HRH1: variants seen among roughly 807,000 people sequenced by gnomAD.
HRH1 encodes the protein histamine receptor H1.
In HRH1, 6 loss-of-function variants were observed where a neutral mutation model predicts 10.3. The ratio of observed to expected loss-of-function variants is 0.58; its 90% confidence interval spans 0.32 to 1.15. HRH1 has a LOEUF of 1.15. Among genes scored for constraint, HRH1 ranks in the 50% most tolerant of loss-of-function variants. The pLI is 0.05. For missense variants in HRH1, 514 were observed against 615.3 expected (o/e 0.84, Z 1.74); for synonymous variants, 242 against 236.7 (o/e 1.02, Z -0.21).
At chr3:11,195,826 C>A (rs552269295) in intron 1 of HRH1, among the ~76,000 whole-genome samples, 1 of 152,334 alleles carries the variant, frequency 6.6e-6, no homozygotes, top group African/African-American at 2.4e-5. Context: ...CCATGCTTGT[C>A]CCCACCCCAA....
At chr3:11,257,021 G>A (rs1014164012) in intron 1 of HRH1, among the ~76,000 whole-genome samples, 20 of 151,694 alleles carry the variant, frequency 1.3e-4, no homozygotes, top group African/African-American at 4.6e-4. Flanking sequence ...GGGAGGCCAA[G>A]GTGGGCGGAT....
At chr3:11,240,754 G>A (rs115602189) in intron 1 of HRH1, among the ~76,000 whole-genome samples, 1 of 152,358 alleles carries the variant, frequency 6.6e-6, no homozygotes, top group African/African-American at 2.4e-5. Context: ...GCACTGATAA[G>A]CCTGGGTGTT....
intron 1 of HRH1, among the ~76,000 whole-genome samples, chr3:11,162,224 G>GAT (rs1481549734): frequency 6.6e-6 from 1 of 152,178 alleles, no homozygotes; most frequent in Non-Finnish European, 1.5e-5. Flanking sequence ...CATAGATACA[G>GAT]TCACCATGCA....
intron 1 of HRH1, among the ~76,000 whole-genome samples, chr3:11,156,641 G>C (rs926325215): frequency 6.6e-6 from 1 of 152,160 alleles, no homozygotes; most frequent in Non-Finnish European, 1.5e-5. Context: ...CCGTTCCTTG[G>C]TTTCCCCATT....
At chr3:11,139,124 A>C (rs1032392106) in intron 1 of HRH1, among the ~76,000 whole-genome samples, 3 of 150,600 alleles carry the variant, frequency 2.0e-5, no homozygotes, top group African/African-American at 7.4e-5. Context: ...AGTAGCTGGG[A>C]TTACAGGCAT....
chr3:11,161,849 C>T (rs1393985623), intron 1 of HRH1, among the ~76,000 whole-genome samples: 1 of 152,202 alleles, frequency 6.6e-6, no homozygotes, highest in East Asian at 1.9e-4. Context: ...ATGGAGTTTT[C>T]TCCCACTGGT....
At chr3:11,254,258 C>A (rs74391904) in intron 1 of HRH1, among the ~76,000 whole-genome samples, 3,100 of 152,304 alleles carry the variant, frequency 0.02, 163 homozygotes, top group Admixed American at 0.1. Context: ...ATTTTTCACA[C>A]TCTTCAGCTT....
At chr3:11,237,620 C>A (rs1184611047) in intron 1 of HRH1, among the ~76,000 whole-genome samples, 1 of 151,382 alleles carries the variant, frequency 6.6e-6, no homozygotes, top group African/African-American at 2.4e-5. Context: ...GAAACTCTCC[C>A]AGCCTGATGC....
chr3:11,257,059 C>T (rs1185973038), intron 1 of HRH1, among the ~76,000 whole-genome samples: 1 of 151,450 alleles, frequency 6.6e-6, no homozygotes, highest in African/African-American at 2.4e-5. Context: ...TCAAGATCAG[C>T]CTGACCAACA....
chr3:11,245,775 C>T (rs1939464120), intron 1 of HRH1, among the ~76,000 whole-genome samples: 1 of 152,152 alleles, frequency 6.6e-6, no homozygotes, highest in African/African-American at 2.4e-5. Flanking sequence ...CAAGTAATCG[C>T]AGAGCTTTCC....
upstream of HRH1, among the ~76,000 whole-genome samples, chr3:11,153,835 G>A (rs1010866844): frequency 4.6e-5 from 7 of 152,086 alleles, no homozygotes; most frequent in Admixed American, 1.3e-4. Context: ...TGAAATGTGG[G>A]CTCATTCATC....
Position 11,242,053 on chromosome 3 carries a change from C to A in HRH1, c.-35-16950C>A, listed in dbSNP as rs534385644. 6.0e-4 allele frequency among the ~76,000 whole-genome samples: 91 copies of A among 152,206 alleles called. 1 individual carries two copies. The highest frequency in any genetic ancestry group is 1.6e-3 in the Admixed American group (24 of 15,274). ...AACGGAACATGGGAGGGGACAAATA[C>A]GGGAATAAAAGCTAGTCACCCCAGC... is the stretch of plus-strand genomic sequence containing the variant. On this transcript the variant is annotated intron_variant, in intron 1 of 1. Transcript: ENST00000431010.
At chr3:11,246,105 AAC>A (rs1234828501) in intron 1 of HRH1, among the ~76,000 whole-genome samples, 1 of 151,292 alleles carries the variant, frequency 6.6e-6, no homozygotes, top group African/African-American at 2.4e-5. Flanking sequence ...CACACACACA[AAC>A]ACACATGCAC....
chr3:11,262,971 G>A lies in HRH1; in HGVS notation c.*2470G>A, dbSNP rs1237569752. Reference sequence around the variant, plus strand: ...TATCTAATGGTATTGGTGCCATTATGTAATGTTGCCTTTACAACAACCTCA... The same window carrying A: ...TATCTAATGGTATTGGTGCCATTATATAATGTTGCCTTTACAACAACCTCA... On this transcript the variant is annotated 3_prime_UTR_variant, in exon 2 of 2. Transcript: ENST00000431010. 1.2e-5 allele frequency: 2 copies of A among 167,072 alleles called. No individual in the cohort carries two copies. Among genetic ancestry groups the A allele is most frequent in the Non-Finnish European group, 2.9e-5 (2 of 68,128 alleles). The allele number at this position is 167,072 out of a possible 1,614,324, so 10.3% of individuals were successfully genotyped here.
intron 1 of HRH1, among the ~76,000 whole-genome samples, chr3:11,206,279 G>A (rs965911874): frequency 8.5e-5 from 13 of 152,180 alleles, no homozygotes; most frequent in African/African-American, 3.1e-4. Flanking sequence ...CAACACGCCT[G>A]GCTAATTTTT....
chr3:11,161,246 A>G (rs1936916337), intron 1 of HRH1, among the ~76,000 whole-genome samples: 3 of 152,202 alleles, frequency 2.0e-5, no homozygotes, highest in Non-Finnish European at 4.4e-5. Context: ...TATAGGTTGT[A>G]TTTTAATAGC....
chr3:11,193,501 C>G (rs920275855), intron 1 of HRH1, among the ~76,000 whole-genome samples: 18 of 149,670 alleles, frequency 1.2e-4, no homozygotes, highest in African/African-American at 3.9e-4. Flanking sequence ...GATCAAGGCA[C>G]CAGCAGATTC....
intron 1 of HRH1, among the ~76,000 whole-genome samples, chr3:11,234,035 G>A (rs1314004873): frequency 2.4e-4 from 36 of 152,114 alleles, no homozygotes; most frequent in South Asian, 4.1e-4. Flanking sequence ...CAAAAGTGGC[G>A]GCCACAGGTT....
chr3:11,137,686 T>G (rs917047085), intron 1 of HRH1, among the ~76,000 whole-genome samples: 4 of 152,136 alleles, frequency 2.6e-5, no homozygotes, highest in African/African-American at 9.7e-5. Flanking sequence ...CTTGAGCGTC[T>G]GAGTTATTGA....
Sources: allele counts gnomAD v4.1 joint callset (sites outside exome capture counted in the v4.1 genomes callset), GRCh38; gene constraint gnomAD v4.1.1; transcripts MANE v1.5; gene names NCBI Gene and HGNC (gene_info 2026-07-23, HGNC 2026-07-21).